Variants in CDH13 observed in about 807,000 individuals in gnomAD.
CDH13 encodes cadherin-13.
A neutral mutation model predicts 63.8 loss-of-function variants in CDH13; 24 were observed. The observed-to-expected ratio is 0.38, with a 90% CI of 0.27 to 0.53. The LOEUF (loss-of-function observed/expected upper bound fraction) is 0.53. Ranked by LOEUF, CDH13 falls within the 20% of genes least tolerant of loss-of-function variation. The pLI is 0.85. For missense variants in CDH13, 1,049 were observed against 903.1 expected (o/e 1.16, Z -2.07); for synonymous variants, 503 against 355.3 (o/e 1.42, Z -4.67).
At chr16:83,301,522 A>G (rs2089744523) in intron 5 of CDH13, among the ~76,000 whole-genome samples, 1 of 151,964 alleles carries the variant, frequency 6.6e-6, no homozygotes, top group Non-Finnish European at 1.5e-5. Context: ...GCTGTTACAG[A>G]GGAAGGGTCT....
chr16:83,213,501 G>C (rs915949446), intron 4 of CDH13, among the ~76,000 whole-genome samples: 1 of 152,104 alleles, frequency 6.6e-6, no homozygotes, highest in Admixed American at 6.5e-5. Context: ...ATAACTAACA[G>C]CCCGGAAGGC....
At chr16:82,632,381 G>C (rs1049316675) in intron 1 of CDH13, among the ~76,000 whole-genome samples, 1 of 152,176 alleles carries the variant, frequency 6.6e-6, no homozygotes, top group African/African-American at 2.4e-5. Flanking sequence ...TGTGTGCTTT[G>C]GAACAGCATG....
chr16:83,605,026 G>A (rs1908195011), intron 8 of CDH13, among the ~76,000 whole-genome samples: 1 of 152,098 alleles, frequency 6.6e-6, no homozygotes, highest in Admixed American at 6.5e-5. Context: ...ATATCATATT[G>A]TAAACACTAA....
In CDH13 at chr16:83,329,684, C is replaced by G. The variant is rs1443757164; in HGVS notation, c.637-15178C>G. ...TGAAACTCTATAGCTACCCTTTGCC[C>G]CCTTTCTGTGTCCTTGAGAGTCACC... On this transcript the variant is annotated intron_variant, in intron 5 of 13. Coordinates refer to ENST00000567109, the MANE Select transcript of CDH13 (RefSeq NM_001257.5). Among the ~76,000 whole-genome samples, 4 of 152,230 alleles carry G rather than the reference C, an allele frequency of 2.6e-5. No individual in the cohort carries two copies. In the East Asian group the frequency reaches 5.8e-4, roughly 22 times the overall value.
chr16:82,979,951 T>G (rs1185463833), intron 2 of CDH13, among the ~76,000 whole-genome samples: 2 of 152,222 alleles, frequency 1.3e-5, no homozygotes, highest in Non-Finnish European at 2.9e-5. Flanking sequence ...TAAGTAAGAT[T>G]TGCAGCAGCC....
chr16:83,009,721 T>C (rs985865245), intron 2 of CDH13, among the ~76,000 whole-genome samples: 2 of 152,236 alleles, frequency 1.3e-5, no homozygotes, highest in South Asian at 4.1e-4. Flanking sequence ...CACTGAGTCA[T>C]GTAGCTGTAC....
At chr16:83,076,191 T>C (rs562676858) in intron 3 of CDH13, among the ~76,000 whole-genome samples, 78 of 152,336 alleles carry the variant, frequency 5.1e-4, no homozygotes, top group Middle Eastern at 3.4e-3. Context: ...CAGGCTTTTT[T>C]ACTCAGGCAC....
intron 6 of CDH13, among the ~76,000 whole-genome samples, chr16:83,403,572 G>C (rs1597939690): frequency 6.6e-6 from 1 of 152,038 alleles, no homozygotes; most frequent in Non-Finnish European, 1.5e-5. Flanking sequence ...GCAGTGACCC[G>C]AGATGGCACA....
chr16:83,234,925 C>T (rs1028625187), intron 5 of CDH13, among the ~76,000 whole-genome samples: 8 of 152,166 alleles, frequency 5.3e-5, no homozygotes, highest in South Asian at 2.1e-4. Flanking sequence ...GGCCGGGCAC[C>T]GTGGCTCACG....
intron 1 of CDH13, among the ~76,000 whole-genome samples, chr16:82,835,874 C>G (rs559785315): frequency 1.3e-5 from 2 of 152,274 alleles, no homozygotes; most frequent in South Asian, 2.1e-4. Context: ...GAATGTATGT[C>G]TTGATCACAC....
chr16:82,809,278 A>T (rs909168109), intron 1 of CDH13, among the ~76,000 whole-genome samples: 2 of 150,404 alleles, frequency 1.3e-5, no homozygotes, highest in Non-Finnish European at 2.9e-5. Context: ...CTTCAATCAC[A>T]AGTGAGTTTG....
chr16:82,827,567 C>T (rs2038313802), intron 1 of CDH13, among the ~76,000 whole-genome samples: 1 of 152,100 alleles, frequency 6.6e-6, no homozygotes. Context: ...GGACTAGAGT[C>T]AATCTGTAGA....
intron 1 of CDH13, among the ~76,000 whole-genome samples, chr16:82,667,687 GC>G (rs1035208165): frequency 1.2e-4 from 18 of 152,258 alleles, no homozygotes; most frequent in African/African-American, 4.3e-4. Context: ...GCGAAGCAGT[GC>G]ACCCATGATG....
chr16:82,780,902 A>G (rs2035723954), intron 1 of CDH13, among the ~76,000 whole-genome samples: 1 of 152,246 alleles, frequency 6.6e-6, no homozygotes, highest in South Asian at 2.1e-4. Flanking sequence ...ACAGTAGCTG[A>G]GTAGTGTACT....
intron 1 of CDH13, among the ~76,000 whole-genome samples, chr16:82,667,332 G>T (rs7187773): frequency 0.047 from 7,134 of 152,264 alleles, 483 homozygotes; most frequent in African/African-American, 0.15. Context: ...GGAGGCTTGC[G>T]AAGGCGCGTA....
intron 1 of CDH13, among the ~76,000 whole-genome samples, chr16:82,691,367 G>A (rs1915627631): frequency 6.6e-6 from 1 of 152,136 alleles, no homozygotes; most frequent in African/African-American, 2.4e-5. Flanking sequence ...GTGGCAGGTG[G>A]GACTTGATGC....
chr16:83,022,313 G>C (rs1463378415), intron 2 of CDH13, among the ~76,000 whole-genome samples: 2 of 152,200 alleles, frequency 1.3e-5, no homozygotes, highest in Non-Finnish European at 2.9e-5. Context: ...AAGTAGGCAA[G>C]GAATACCAGG....
At chr16:82,818,993 G>A (rs1429645059) in intron 1 of CDH13, among the ~76,000 whole-genome samples, 1 of 152,192 alleles carries the variant, frequency 6.6e-6, no homozygotes, top group African/African-American at 2.4e-5. Context: ...GCCAGGAGGT[G>A]CTGTCGAAGA....
chr16:83,115,220 G>C (rs2035237422), intron 3 of CDH13, among the ~76,000 whole-genome samples: 2 of 152,218 alleles, frequency 1.3e-5, no homozygotes, highest in South Asian at 4.1e-4. Flanking sequence ...AGAGCTGAAT[G>C]ACTTGGGATG....
Sources: allele counts gnomAD v4.1 joint callset (sites outside exome capture counted in the v4.1 genomes callset), GRCh38; gene constraint gnomAD v4.1.1; transcripts MANE v1.5; gene names NCBI Gene and HGNC (gene_info 2026-07-23, HGNC 2026-07-21).